The following EFHC2 variants were observed in gnomAD, a reference collection of about 807,000 sequenced individuals.
EFHC2 encodes EF-hand domain-containing family member C2.
A neutral mutation model predicts 52.7 loss-of-function variants in EFHC2; 18 were observed. That is an observed-to-expected ratio of 0.34 (90% CI 0.24 to 0.51). The LOEUF is 0.51. Among genes scored for constraint, EFHC2 ranks in the 20% least tolerant of loss-of-function variants. EFHC2 has a pLI of 0.97. For synonymous variants in EFHC2, 203 were observed against 204.1 expected (o/e 0.99, Z 0.04); for missense variants, 513 against 562.5 (o/e 0.91, Z 0.89).
intron 8 of EFHC2, among the ~76,000 whole-genome samples, chrX:44,236,019 CT>C (rs34288622): frequency 0.015 from 1,554 of 103,799 alleles, 15 homozygotes; most frequent in African/African-American, 0.035. Context: ...ATAGACCCAC[CT>C]TTTTTTTTTT....
chrX:44,294,249 CGTGTGTGTGT>C (rs200162737), intron 2 of EFHC2, among the ~76,000 whole-genome samples: 3,321 of 87,426 alleles, frequency 0.038, 112 homozygotes, highest in African/African-American at 0.097. Flanking sequence ...GTATACTCAA[CGTGTGTGTGT>C]GTGTGTGTGT....
At chrX:44,322,839 C>T (rs1201161216) in intron 1 of EFHC2, among the ~76,000 whole-genome samples, 1 of 110,936 alleles carries the variant, frequency 9.0e-6, no homozygotes, top group Non-Finnish European at 1.9e-5. Flanking sequence ...ATGGTGAAAC[C>T]CCGTCTCTGC....
intron 7 of EFHC2, among the ~76,000 whole-genome samples, chrX:44,244,619 T>C (rs1002863324): frequency 1.8e-5 from 2 of 111,740 alleles, no homozygotes; most frequent in African/African-American, 6.5e-5. Context: ...TCCAACAAAT[T>C]GGCAGACAGA....
intron 2 of EFHC2, among the ~76,000 whole-genome samples, chrX:44,299,717 C>T (rs2037854734): frequency 8.9e-6 from 1 of 112,261 alleles, no homozygotes; most frequent in South Asian, 3.7e-4. Context: ...GCAAAATAAA[C>T]TTTCTAAATT....
chrX:44,258,832 G>C (rs376410672), intron 4 of EFHC2, among the ~76,000 whole-genome samples: 6 of 109,072 alleles, frequency 5.5e-5, no homozygotes, highest in African/African-American at 1.7e-4. Context: ...CTACAGCCTG[G>C]TCAACAGAGT....
chrX:44,337,263 T>C (rs780318979), intron 1 of EFHC2, among the ~76,000 whole-genome samples: 2 of 111,718 alleles, frequency 1.8e-5, no homozygotes, highest in South Asian at 3.7e-4. Context: ...GGGTTTTTTT[T>C]CCCTCAAAAA....
At chrX:44,341,589 C>T (rs1040000102) in intron 1 of EFHC2, among the ~76,000 whole-genome samples, 1 of 111,961 alleles carries the variant, frequency 8.9e-6, no homozygotes, top group Admixed American at 9.5e-5. Context: ...GCTGGGACTA[C>T]AGGCATGTGC....
intron 2 of EFHC2, among the ~76,000 whole-genome samples, chrX:44,289,185 G>A (rs1442565756): frequency 9.0e-6 from 1 of 110,942 alleles, no homozygotes; most frequent in Non-Finnish European, 1.9e-5. Context: ...TTTATGTTAT[G>A]TTTTGAATTT....
At chrX:44,335,933 G>A (rs185708782) in intron 1 of EFHC2, among the ~76,000 whole-genome samples, 248 of 99,093 alleles carry the variant, frequency 2.5e-3, no homozygotes, top group African/African-American at 8.6e-3. Context: ...TCATCAGGCG[G>A]ATCGCCTGAG....
At chrX:44,281,136 TCTCAAACTCCTGAC>T (rs1234685385) in intron 2 of EFHC2, among the ~76,000 whole-genome samples, 1 of 111,406 alleles carries the variant, frequency 9.0e-6, no homozygotes, top group Admixed American at 9.5e-5. Flanking sequence ...GCCAGGCTGG[TCTCAAACTCCTGAC>T]CTCAGGTGAT....
intron 1 of EFHC2, among the ~76,000 whole-genome samples, chrX:44,327,272 T>C (rs997006668): frequency 6.3e-5 from 7 of 111,697 alleles, no homozygotes; most frequent in Non-Finnish European, 9.4e-5. Context: ...AGGGAGGAAA[T>C]AGACCAAATA....
intron 8 of EFHC2, among the ~76,000 whole-genome samples, chrX:44,236,701 G>A (rs747339896): frequency 5.6e-4 from 63 of 111,853 alleles, no homozygotes; most frequent in African/African-American, 2.0e-3. Flanking sequence ...AACAGCCTGA[G>A]CAAAGCAGCC....
chrX:44,330,593 C>T (rs1291070920), intron 1 of EFHC2, among the ~76,000 whole-genome samples: 1 of 111,630 alleles, frequency 9.0e-6, no homozygotes, highest in Non-Finnish European at 1.9e-5. Context: ...TCACTTGAAC[C>T]TGGGAGGCAG....
chrX:44,207,607 T>C (rs2037058649), intron 11 of EFHC2, among the ~76,000 whole-genome samples: 1 of 112,238 alleles, frequency 8.9e-6, no homozygotes, highest in Non-Finnish European at 1.9e-5. Context: ...AGAATTTATA[T>C]TGAAGACCTC....
At chrX:44,205,649 A>G (rs1422526559) in intron 11 of EFHC2, among the ~76,000 whole-genome samples, 1 of 111,662 alleles carries the variant, frequency 9.0e-6, no homozygotes, top group Non-Finnish European at 1.9e-5. Context: ...CTATATAATG[A>G]TGAGGCGTTC....
At chrX:44,222,241 G>A (rs979509494) in intron 11 of EFHC2, among the ~76,000 whole-genome samples, 37 of 111,091 alleles carry the variant, frequency 3.3e-4, no homozygotes, top group Non-Finnish European at 5.7e-4. Flanking sequence ...GTGCCTTAGC[G>A]TGAGACAATA....
chrX:44,178,286 C>T, intron 12 of EFHC2, 81 bp downstream of exon 12: 2 of 980,441 alleles, frequency 2.0e-6, no homozygotes, highest in Non-Finnish European at 2.7e-6. Flanking sequence ...TCTTTTTGCA[C>T]TTTTTGATAA....
chrX:44,153,015 C>T (rs1287710006), intron 14 of EFHC2, among the ~76,000 whole-genome samples: 1 of 111,848 alleles, frequency 8.9e-6, no homozygotes, highest in African/African-American at 3.3e-5. Context: ...TGAAATTATT[C>T]GGGGACTGGA....
intron 2 of EFHC2, chrX:44,309,446 T>C: frequency 8.9e-7 from 1 of 1,123,420 alleles, no homozygotes; most frequent in Non-Finnish European, 1.2e-6. Flanking sequence ...TCAAATGGGC[T>C]CTCTACTCCG....
Sources: allele counts gnomAD v4.1 joint callset (sites outside exome capture counted in the v4.1 genomes callset), GRCh38; gene constraint gnomAD v4.1.1; transcripts MANE v1.5; gene names NCBI Gene and HGNC (gene_info 2026-07-23, HGNC 2026-07-21).